The following TMTC4 variants were observed in gnomAD, a reference collection of about 807,000 sequenced individuals.
TMTC4 encodes the protein protein O-mannosyl-transferase TMTC4.
In TMTC4, 65 loss-of-function variants were observed where a neutral mutation model predicts 86.0. The ratio of observed to expected loss-of-function variants is 0.76; its 90% CI spans 0.62 to 0.93. The LOEUF (loss-of-function observed/expected upper bound fraction) is 0.93. TMTC4 is among the 40% of genes least tolerant of loss of function. The probability of loss-of-function intolerance (pLI) is 0.00; values close to 1 mark genes in which losing one functional copy is unlikely to be tolerated. For missense variants in TMTC4, 866 were observed against 948.1 expected (o/e 0.91, Z 1.14); for synonymous variants, 379 against 382.5 (o/e 0.99, Z 0.11).
intron 3 of TMTC4, among the ~76,000 whole-genome samples, chr13:100,666,837 A>G (rs538346457): frequency 3.9e-5 from 6 of 152,308 alleles, no homozygotes; most frequent in East Asian, 1.9e-4. Context: ...AAAAATTTTA[A>G]AAGTCAGCTG....
At chr13:100,623,525 G>A (rs1041191856) in intron 15 of TMTC4, among the ~76,000 whole-genome samples, 2 of 152,040 alleles carry the variant, frequency 1.3e-5, no homozygotes, top group Non-Finnish European at 2.9e-5. Context: ...AAGCCACTGT[G>A]CCCAGTTTAT....
intron 17 of TMTC4, among the ~76,000 whole-genome samples, chr13:100,608,448 G>A (rs1276428452): frequency 6.6e-6 from 1 of 152,154 alleles, no homozygotes; most frequent in African/African-American, 2.4e-5. Context: ...CCAAGCCAGG[G>A]CAACAAAAAC....
At position 100,663,061 on chromosome 13, in the gene TMTC4, A is replaced by C; in HGVS notation, c.455T>G (p.Leu152Arg). Reference protein sequence around the residue: ...VDVFSVLFGGLQYTSKGRRLH... With the variant: ...VDVFSVLFGGRQYTSKGRRLH... Reference sequence around the variant, plus strand: ...CCTCCGGCCTTTACTGGTGTACTGCAGGCCGCCAAACAGAACCGAGAAGAC... The same window carrying C: ...CCTCCGGCCTTTACTGGTGTACTGCCGGCCGCCAAACAGAACCGAGAAGAC... Residue 152 changes from leucine to arginine, a missense_variant, in exon 5 of 19, where the codon CTG (leucine) becomes CGG (arginine). By Grantham distance (102) the Leu-to-Arg change is moderately radical. Coordinates refer to ENST00000342624, the MANE Select transcript of TMTC4 (RefSeq NM_032813.5). The C allele has an allele frequency of 6.2e-7, 1 of 1,614,238 alleles. No individual in the cohort carries two copies.
intron 2 of TMTC4, 176 bp downstream of exon 2, chr13:100,670,184 C>T (rs942877664): frequency 3.4e-6 from 2 of 590,170 alleles, no homozygotes; most frequent in African/African-American, 2.0e-5. Context: ...AGAATTCCAG[C>T]CCCCTGATTG....
intron 15 of TMTC4, 51 bp from the exon 16 acceptor site, chr13:100,614,481 C>T: frequency 1.8e-6 from 2 of 1,122,248 alleles, no homozygotes; most frequent in Non-Finnish European, 2.6e-6. Context: ...CCTGCTTCCT[C>T]TTTCCAAGAC....
intron 7 of TMTC4, chr13:100,638,245 T>C (rs1882543834): frequency 4.3e-6 from 2 of 465,344 alleles, no homozygotes; most frequent in Non-Finnish European, 7.6e-6. Context: ...CCCCTGATAG[T>C]AATGATTTCA....
In TMTC4 at chr13:100,605,210, G is replaced by T; in HGVS notation, c.2135-68C>A. Reference sequence around the variant, plus strand: ...TAACGTGCCGTATTCCTACCCTCTTGGACAAAGAAATATTACAGATCCTAT... The same window carrying T: ...TAACGTGCCGTATTCCTACCCTCTTTGACAAAGAAATATTACAGATCCTAT... On this transcript the variant is annotated intron_variant, in intron 18 of 18. Coordinates refer to ENST00000342624, the MANE Select transcript of TMTC4 (RefSeq NM_032813.5). The surrounding 1 kb of genome is among the most constrained non-coding windows in gnomAD (Gnocchi z 4.3). 6 of 1,511,220 alleles carry T rather than the reference G, an allele frequency of 4.0e-6. No individual in the cohort carries two copies. Among genetic ancestry groups the T allele is most frequent in the Non-Finnish European group, 5.3e-6 (6 of 1,124,834 alleles). 93.6% of individuals were successfully genotyped at this position (1,511,220 alleles called of 1,614,324 possible).
chr13:100,648,566 T>C (rs1884039691), intron 6 of TMTC4, among the ~76,000 whole-genome samples: 1 of 152,230 alleles, frequency 6.6e-6, no homozygotes, highest in African/African-American at 2.4e-5. Context: ...AATGTGCACA[T>C]TGCTATGTTT....
At chr13:100,669,828 C>T (rs918855027) in intron 2 of TMTC4, among the ~76,000 whole-genome samples, 10 of 152,146 alleles carry the variant, frequency 6.6e-5, no homozygotes, top group African/African-American at 1.9e-4. Context: ...TTTGGATTTA[C>T]CAGGATCAGG....
At chr13:100,613,707 G>A (rs976180521) in intron 16 of TMTC4, among the ~76,000 whole-genome samples, 3 of 152,082 alleles carry the variant, frequency 2.0e-5, no homozygotes, top group Non-Finnish European at 4.4e-5. Context: ...TAGGTGGAGT[G>A]TCATTTTCCC....
chr13:100,610,252 T>C (rs1877349736), intron 17 of TMTC4, among the ~76,000 whole-genome samples: 2 of 152,084 alleles, frequency 1.3e-5, no homozygotes, highest in Admixed American at 6.5e-5. Flanking sequence ...ACTCACCACA[T>C]CCCCTCTTCT....
intron 6 of TMTC4, among the ~76,000 whole-genome samples, chr13:100,647,283 C>T (rs2138944982): frequency 6.6e-6 from 1 of 152,312 alleles, no homozygotes; most frequent in South Asian, 2.1e-4. Context: ...GAGCAAGAGA[C>T]CCCTGGCCCC....
intron 8 of TMTC4, 85 bp from the exon 9 acceptor site, chr13:100,637,787 G>A (rs1474091890): frequency 6.4e-7 from 1 of 1,565,858 alleles, no homozygotes; most frequent in Non-Finnish European, 8.7e-7. Flanking sequence ...CAGCAATTCT[G>A]CCTGAACTGC....
chr13:100,650,781 A>G (rs1884339600), intron 6 of TMTC4, among the ~76,000 whole-genome samples: 1 of 152,250 alleles, frequency 6.6e-6, no homozygotes, highest in Non-Finnish European at 1.5e-5. Context: ...GCAGTCAGCA[A>G]TGGCCCCAAA....
rs189682458 is a variant in TMTC4, at chr13:100,643,084, C to T, written c.641-773G>A. Among the ~76,000 whole-genome samples the T allele has an allele frequency of 2.5e-4, 38 of 152,280 alleles. 1 individual carries two copies. The East Asian group carries it at 6.9e-3, about 28-fold the overall frequency. ...CGAGCAGGGTCTGGCTGTACACTAT[C>T]TCGTCGGTGGTGCGTGCAATTTGGG... is the stretch of plus-strand genomic sequence containing the variant. On this transcript the variant is annotated intron_variant, in intron 6 of 18. Transcript: ENST00000342624.
chr13:100,631,771 T>A lies in TMTC4; in HGVS notation c.1506+3034A>T, dbSNP rs77658383. 9.9e-5 allele frequency among the ~76,000 whole-genome samples: 15 copies of A among 152,274 alleles called. No homozygotes were observed. In the East Asian group the frequency reaches 2.9e-3, roughly 29 times the overall value. On this transcript the variant is annotated intron_variant, in intron 12 of 18. Transcript: ENST00000342624. Reference sequence around the variant, plus strand: ...ATAGAAAATGTGTCCCCTGAAATAATGGGACTGAAGGAAACCAGTGTCTTC... The same window carrying A: ...ATAGAAAATGTGTCCCCTGAAATAAAGGGACTGAAGGAAACCAGTGTCTTC...
At chr13:100,633,241 G>A (rs930521541) in intron 12 of TMTC4, among the ~76,000 whole-genome samples, 2 of 148,920 alleles carry the variant, frequency 1.3e-5, no homozygotes, top group South Asian at 4.2e-4. Flanking sequence ...CCTGGGAGGC[G>A]GAGGTTGCAG....
chr13:100,632,051 ACACTCTCTCTCTCTCTCT>A (rs1365712931), intron 12 of TMTC4, among the ~76,000 whole-genome samples: 10 of 28,598 alleles, frequency 3.5e-4, no homozygotes, highest in East Asian at 2.3e-3. Context: ...ACACACACAC[ACACTCTCTCTCTCTCTCT>A]CTCTCTCTCT....
intron 6 of TMTC4, among the ~76,000 whole-genome samples, chr13:100,653,359 T>C (rs546146346): frequency 5.3e-5 from 8 of 152,224 alleles, no homozygotes; most frequent in African/African-American, 1.9e-4. Flanking sequence ...AAGGGAATTT[T>C]GGGAGTTGTG....
Sources: gnomAD v4.1 joint callset for allele counts (sites outside exome capture counted in the v4.1 genomes callset) on GRCh38, gnomAD v4.1.1 for gene constraint, Gnocchi (gnomAD v3.1) non-coding constraint, MANE v1.5 for transcripts, NCBI Gene and HGNC (gene_info 2026-07-23, HGNC 2026-07-21) for gene names.